SWT1: variants seen among roughly 807,000 people sequenced by gnomAD.
SWT1 encodes the protein transcriptional protein SWT1.
Under a neutral mutation model 107.3 loss-of-function variants are expected in SWT1, and 33 were observed. The ratio of observed to expected loss-of-function variants is 0.31; its 90% CI spans 0.23 to 0.41. SWT1 has a LOEUF of 0.41. Among genes scored for constraint, SWT1 ranks in the 10% least tolerant of loss-of-function variants. The pLI is 1.00. For synonymous variants in SWT1, 345 were observed against 348.3 expected, an observed-to-expected ratio of 0.99 and a Z score of 0.11; for missense variants, 898 against 1,028.9, an observed-to-expected ratio of 0.87 and a Z score of 1.74.
intron 18 of SWT1, among the ~76,000 whole-genome samples, chr1:185,279,262 C>T (rs544259802): frequency 6.6e-6 from 1 of 152,132 alleles, no homozygotes; most frequent in Non-Finnish European, 1.5e-5. Flanking sequence ...ATTGTAGATA[C>T]ATGGAGGCCA....
chr1:185,179,790 G>T (rs1655869400), intron 5 of SWT1, among the ~76,000 whole-genome samples: 1 of 152,126 alleles, frequency 6.6e-6, no homozygotes, highest in African/African-American at 2.4e-5. Context: ...TTCATGACTT[G>T]ATAAAATGGA....
intron 13 of SWT1, among the ~76,000 whole-genome samples, chr1:185,207,683 C>T (rs1323332332): frequency 1.3e-5 from 2 of 152,140 alleles, no homozygotes; most frequent in Non-Finnish European, 2.9e-5. Flanking sequence ...GGGTGAATTG[C>T]TTGACCCCAG....
At chr1:185,218,919 T>G (rs967337220) in intron 14 of SWT1, among the ~76,000 whole-genome samples, 1 of 152,220 alleles carries the variant, frequency 6.6e-6, no homozygotes, top group African/African-American at 2.4e-5. Context: ...GACCTTAATG[T>G]CTAGCATGTA....
chr1:185,160,733 A>C, intron 1 of SWT1, 100 bp from the exon 2 acceptor site: 1 of 798,322 alleles, frequency 1.3e-6, no homozygotes, highest in Non-Finnish European at 2.0e-6. Context: ...AAAAGTGATC[A>C]TATTGTAAAA....
At chr1:185,175,783 T>C (rs1044135805) in intron 5 of SWT1, among the ~76,000 whole-genome samples, 3 of 152,220 alleles carry the variant, frequency 2.0e-5, no homozygotes, top group African/African-American at 7.2e-5. Flanking sequence ...CTTTAAACAG[T>C]TTATTTTTTT....
intron 10 of SWT1, among the ~76,000 whole-genome samples, chr1:185,194,922 T>C (rs1020488280): frequency 3.3e-5 from 5 of 152,218 alleles, no homozygotes; most frequent in Admixed American, 3.3e-4. Flanking sequence ...TGTTTTTCTC[T>C]GGGCATACTT....
At chr1:185,180,505 A>G in intron 6 of SWT1, 55 bp downstream of exon 6, 1 of 1,277,512 alleles carries the variant, frequency 7.8e-7, no homozygotes, top group East Asian at 2.3e-5. Context: ...GTCAGTTCCT[A>G]CTTTTAATAA....
chr1:185,245,913 C>T (rs1179721363), intron 16 of SWT1, among the ~76,000 whole-genome samples: 2 of 151,948 alleles, frequency 1.3e-5, no homozygotes, highest in Admixed American at 1.3e-4. Context: ...GGATTACAGG[C>T]ACCCACCATC....
Position 185,204,716 on chromosome 1 carries a change from A to G in SWT1, c.1686A>G (p.Lys562=). 11 of 1,578,760 alleles carry G rather than the reference A, an allele frequency of 7.0e-6. No individual in the cohort carries two copies. The highest frequency in any genetic ancestry group is 8.6e-6 in the Non-Finnish European group (10 of 1,167,312). The part of the protein sequence containing the change: ...QQLKAETTPL[K]ESYKEESTNS... ...GTTTTAAAGAAACAACACCCTTGAA[A>G]GAGAGCTATAAGGAGGAATCTACAA... Residue 562 remains lysine, a synonymous_variant, in exon 12 of 19, where the codon AAA becomes AAG. Transcript: ENST00000367500.
At chr1:185,217,839 AC>A (rs1659339322) in intron 14 of SWT1, among the ~76,000 whole-genome samples, 1 of 152,104 alleles carries the variant, frequency 6.6e-6, no homozygotes, top group East Asian at 1.9e-4. Context: ...CAGGTGATCC[AC>A]CCACCTTGGC....
intron 18 of SWT1, among the ~76,000 whole-genome samples, chr1:185,289,164 T>G (rs1301452847): frequency 1.3e-5 from 2 of 152,216 alleles, no homozygotes; most frequent in African/African-American, 4.8e-5. Flanking sequence ...AATACTGGGA[T>G]TTGAAATACA....
intron 16 of SWT1, among the ~76,000 whole-genome samples, chr1:185,234,837 G>C (rs1204730552): frequency 1.3e-5 from 2 of 152,050 alleles, no homozygotes; most frequent in Non-Finnish European, 2.9e-5. Context: ...GAAGAAAAGA[G>C]AGAAGAATCA....
At chr1:185,229,662 T>C (rs1254960993) in intron 15 of SWT1, among the ~76,000 whole-genome samples, 2 of 151,990 alleles carry the variant, frequency 1.3e-5, no homozygotes, top group African/African-American at 4.8e-5. Flanking sequence ...CACAATTTGC[T>C]TGTATATCCA....
At chr1:185,289,903 C>G (rs751420490) in intron 18 of SWT1, among the ~76,000 whole-genome samples, 12 of 152,076 alleles carry the variant, frequency 7.9e-5, no homozygotes, top group Admixed American at 4.6e-4. Context: ...GAAATAAGTT[C>G]AGAGATCTAT....
At chr1:185,197,076 A>G (rs536503138) in intron 10 of SWT1, among the ~76,000 whole-genome samples, 140 of 152,212 alleles carry the variant, frequency 9.2e-4, no homozygotes, top group Middle Eastern at 3.4e-3. Context: ...TCAGTGTGGT[A>G]TTGGCTGTGG....
chr1:185,177,086 A>C, intron 5 of SWT1: 1 of 977,538 alleles, frequency 1.0e-6, no homozygotes, highest in Non-Finnish European at 1.2e-6. Flanking sequence ...GGGAATTAGT[A>C]TTTTTAGTTT....
chr1:185,277,351 C>T (rs576640192), intron 18 of SWT1, among the ~76,000 whole-genome samples: 6 of 152,108 alleles, frequency 3.9e-5, no homozygotes, highest in African/African-American at 1.4e-4. Context: ...TGCAGTGGAG[C>T]GATCTTGGCT....
chr1:185,215,407 T>C (rs1659140311), intron 14 of SWT1, among the ~76,000 whole-genome samples: 1 of 152,218 alleles, frequency 6.6e-6, no homozygotes, highest in African/African-American at 2.4e-5. Context: ...GAAATTAACA[T>C]TGATACAATA....
chr1:185,168,412 T>C lies in SWT1; in HGVS notation c.224+14T>C. 7.3e-7 allele frequency: 1 copy of C among 1,371,838 alleles called. No homozygotes were observed. Among genetic ancestry groups the C allele is most frequent in the East Asian group, 2.7e-5 (1 of 37,586 alleles). 85.0% of individuals were successfully genotyped at this position (1,371,838 alleles called of 1,614,324 possible). On this transcript the variant is annotated intron_variant, in intron 4 of 18. Coordinates refer to ENST00000367500, the MANE Select transcript of SWT1 (RefSeq NM_017673.7). The stretch of plus-strand genomic sequence containing the variant: ...AGGACTGAAAAGGTAAATTTCTCCT[T>C]TTTCTTTTTACTGTTTTGGTTTAGA...
Sources: allele counts gnomAD v4.1 joint callset (sites outside exome capture counted in the v4.1 genomes callset), GRCh38; gene constraint gnomAD v4.1.1; transcripts MANE v1.5; gene names NCBI Gene and HGNC (gene_info 2026-07-23, HGNC 2026-07-21).